The following ERC2 variants were observed in gnomAD, a reference collection of about 807,000 sequenced individuals.
The protein encoded by ERC2 is ERC protein 2.
In ERC2, 42 loss-of-function variants were observed where a neutral mutation model predicts 114.8. The ratio of observed to expected loss-of-function variants is 0.37; its 90% CI spans 0.29 to 0.47. ERC2 has a LOEUF of 0.47. Among genes scored for constraint, ERC2 ranks in the 20% least tolerant of loss-of-function variants. The pLI is 0.99. For synonymous variants in ERC2, 454 were observed against 425.5 expected, an observed-to-expected ratio of 1.07 and a Z score of -0.82; for missense variants, 939 against 1,150.7, an observed-to-expected ratio of 0.82 and a Z score of 2.66.
chr3:55,728,270 C>A (rs1014412980), intron 15 of ERC2, among the ~76,000 whole-genome samples: 2 of 152,136 alleles, frequency 1.3e-5, no homozygotes, highest in Non-Finnish European at 2.9e-5. Context: ...CAAAAACTAG[C>A]AAGGCAGATA....
chr3:55,847,056 C>G (rs1056687231), intron 14 of ERC2, among the ~76,000 whole-genome samples: 1 of 152,162 alleles, frequency 6.6e-6, no homozygotes, highest in African/African-American at 2.4e-5. Context: ...ATGTACATAA[C>G]ACCCACAACA....
chr3:56,296,965 G>C (rs1305581144), intron 2 of ERC2, among the ~76,000 whole-genome samples: 2 of 152,108 alleles, frequency 1.3e-5, no homozygotes, highest in Non-Finnish European at 2.9e-5. Context: ...TAGTAAACAG[G>C]ATTACTGCAT....
intron 3 of ERC2, among the ~76,000 whole-genome samples, chr3:56,203,912 T>G (rs1474974982): frequency 2.0e-5 from 3 of 152,230 alleles, no homozygotes; most frequent in East Asian, 3.9e-4. Context: ...CCGGGCCTGG[T>G]GGCTTACGCC....
chr3:56,241,302 A>T (rs1454256383), intron 3 of ERC2, among the ~76,000 whole-genome samples: 1 of 152,224 alleles, frequency 6.6e-6, no homozygotes, highest in Non-Finnish European at 1.5e-5. Context: ...AATGCTCAAC[A>T]TCACTAATTA....
At chr3:56,014,490 C>T (rs1022290678) in intron 8 of ERC2, among the ~76,000 whole-genome samples, 4 of 152,068 alleles carry the variant, frequency 2.6e-5, no homozygotes, top group Non-Finnish European at 5.9e-5. Flanking sequence ...GGTACTGAGA[C>T]GCTGAGAGAA....
At chr3:55,942,939 A>G (rs2066899217) in intron 13 of ERC2, among the ~76,000 whole-genome samples, 1 of 152,246 alleles carries the variant, frequency 6.6e-6, no homozygotes, top group African/African-American at 2.4e-5. Flanking sequence ...GAAGTTAACC[A>G]TGCCCAGGTC....
At position 56,060,651 on chromosome 3, in the gene ERC2, T is replaced by C. The variant is rs9851020; in HGVS notation, c.1641+20166A>G. Reference sequence around the variant, plus strand: ...TCCTGGCCTGCCAAGCTTAATAAAGTATGTTATCCATTCTTCCAGACCACT... The same window carrying C: ...TCCTGGCCTGCCAAGCTTAATAAAGCATGTTATCCATTCTTCCAGACCACT... On this transcript the variant is annotated intron_variant, in intron 7 of 17. Coordinates refer to ENST00000288221, the MANE Select transcript of ERC2 (RefSeq NM_015576.3). Among the ~76,000 whole-genome samples the C allele has an allele frequency of 6.9e-3, 1,058 of 152,302 alleles. 11 individuals are homozygous for C. Among genetic ancestry groups the C allele is most frequent in the African/African-American group, 0.024 (1,001 of 41,558 alleles).
chr3:56,043,476 T>C (rs542058798), intron 7 of ERC2, among the ~76,000 whole-genome samples: 2 of 152,124 alleles, frequency 1.3e-5, no homozygotes, highest in South Asian at 4.2e-4. Flanking sequence ...TCAAATAGTG[T>C]CTGACATCAG....
chr3:56,257,091 T>C (rs1462117479), intron 3 of ERC2, among the ~76,000 whole-genome samples: 1 of 152,122 alleles, frequency 6.6e-6, no homozygotes, highest in African/African-American at 2.4e-5. Context: ...ACCATGAGGA[T>C]TAAATGAGAT....
intron 2 of ERC2, among the ~76,000 whole-genome samples, chr3:56,382,459 T>C: frequency 6.6e-6 from 1 of 152,028 alleles, no homozygotes; most frequent in Non-Finnish European, 1.5e-5. Flanking sequence ...AATCAAACTT[T>C]CCCCCCACCA....
Position 55,733,542 on chromosome 3 carries a change from T to TCACACACACA in ERC2, c.2712+1219_2712+1228dup, listed in dbSNP as rs58311179. ...CTGTCTCTCATTCTTTCTCTCTCTC[T>TCACACACACA]CACACACACACACACACACACACAC... On this transcript the variant is annotated intron_variant, in intron 15 of 17. Transcript: ENST00000288221. 6.9e-3 allele frequency among the ~76,000 whole-genome samples: 748 copies of TCACACACACA among 107,794 alleles called. 58 individuals are homozygous for TCACACACACA. Among genetic ancestry groups the TCACACACACA allele is most frequent in the Middle Eastern group, 0.015 (3 of 198 alleles). 70.7% of individuals were successfully genotyped at this position (107,794 alleles called of 152,430 possible).
At chr3:56,403,641 G>A (rs1381510539) in intron 2 of ERC2, among the ~76,000 whole-genome samples, 3 of 152,146 alleles carry the variant, frequency 2.0e-5, no homozygotes, top group Non-Finnish European at 4.4e-5. Context: ...TTATTTTAAC[G>A]AGATCCCCAG....
chr3:56,171,494 G>A (rs2082662881), intron 4 of ERC2, among the ~76,000 whole-genome samples: 1 of 152,112 alleles, frequency 6.6e-6, no homozygotes, highest in South Asian at 2.1e-4. Flanking sequence ...CTCTTCATTT[G>A]TCCTAAAAAT....
rs1356578077 is a variant in ERC2, at chr3:55,671,635, A to ACAT, written c.*39+12156_*39+12158dup. 7.2e-5 allele frequency among the ~76,000 whole-genome samples: 11 copies of ACAT among 152,350 alleles called. No individual in the cohort carries two copies. The East Asian group carries it at 2.1e-3, about 29-fold the overall frequency. On this transcript the variant is annotated intron_variant, in intron 17 of 17. Coordinates refer to ENST00000288221, the MANE Select transcript of ERC2 (RefSeq NM_015576.3). ...GCACTTGGCAAAACATAGTTGCCAA[A>ACAT]CATAGAAAAAGAAAAGCCTAATGGT...
chr3:55,999,781 G>A (rs1164224431), intron 10 of ERC2, among the ~76,000 whole-genome samples: 3 of 151,156 alleles, frequency 2.0e-5, no homozygotes, highest in African/African-American at 7.3e-5. Flanking sequence ...AAATAATATT[G>A]GGAACATATA....
intron 14 of ERC2, among the ~76,000 whole-genome samples, chr3:55,822,568 C>CTTTTTTTTT (rs202173599): frequency 5.1e-5 from 7 of 137,078 alleles, no homozygotes; most frequent in Non-Finnish European, 6.2e-5. Flanking sequence ...TCTTTTTTTT[C>CTTTTTTTTT]TTTTTTTTTT....
intron 16 of ERC2, among the ~76,000 whole-genome samples, chr3:55,688,918 CT>C (rs2062480005): frequency 6.6e-6 from 1 of 152,182 alleles, no homozygotes; most frequent in Admixed American, 6.5e-5. Context: ...TGACTTGTGT[CT>C]TCTCAGAATG....
chr3:55,977,964 C>T (rs899232828), intron 12 of ERC2, among the ~76,000 whole-genome samples: 8 of 152,166 alleles, frequency 5.3e-5, no homozygotes, highest in East Asian at 3.8e-4. Flanking sequence ...GTGTGAATTA[C>T]ATTATACCAC....
chr3:56,448,385 A>G (rs1329377594), intron 1 of ERC2, among the ~76,000 whole-genome samples: 2 of 152,210 alleles, frequency 1.3e-5, no homozygotes, highest in African/African-American at 4.8e-5. Context: ...AATACATTCT[A>G]CCTTCCTACC....
Sources: allele counts gnomAD v4.1 joint callset (sites outside exome capture counted in the v4.1 genomes callset), GRCh38; gene constraint gnomAD v4.1.1; transcripts MANE v1.5; gene names NCBI Gene and HGNC (gene_info 2026-07-23, HGNC 2026-07-21).